PYGB: variants seen among roughly 807,000 people sequenced by gnomAD.
The protein encoded by PYGB is glycogen phosphorylase B.
In PYGB, 82 loss-of-function variants were observed where a neutral mutation model predicts 94.3. The observed-to-expected ratio is 0.87, with a 90% confidence interval of 0.73 to 1.04. The LOEUF (loss-of-function observed/expected upper bound fraction) is 1.04, where lower values mean the gene tolerates loss of function less well. PYGB is among the 50% of genes least tolerant of loss of function. The probability of loss-of-function intolerance (pLI) is 0.00; values close to 1 mark genes in which losing one functional copy is unlikely to be tolerated. For missense variants in PYGB, 1,132 were observed against 1,158.2 expected, an observed-to-expected ratio of 0.98 and a Z score of 0.33; for synonymous variants, 488 against 479.1, an observed-to-expected ratio of 1.02 and a Z score of -0.24.
chr20:25,272,959 C>T (rs924185564), intron 4 of PYGB, among the ~76,000 whole-genome samples: 1 of 152,204 alleles, frequency 6.6e-6, no homozygotes, highest in Non-Finnish European at 1.5e-5. Flanking sequence ...TTCTGGTGGT[C>T]CTCGTTCCTG....
chr20:25,295,801 G>A, intron 19 of PYGB, 131 bp downstream of exon 19: 1 of 1,019,410 alleles, frequency 9.8e-7, no homozygotes, highest in South Asian at 1.4e-5. Flanking sequence ...ATTCTGATCT[G>A]TCATCAGTCG....
intron 13 of PYGB, among the ~76,000 whole-genome samples, chr20:25,283,539 C>T (rs1003622080): frequency 1.1e-4 from 16 of 152,336 alleles, no homozygotes; most frequent in Non-Finnish European, 1.6e-4. Context: ...CAGCCCTGCC[C>T]GTGCCTCGAC....
intron 1 of PYGB, among the ~76,000 whole-genome samples, chr20:25,250,558 G>A (rs189780455): frequency 1.2e-3 from 176 of 152,220 alleles, no homozygotes; most frequent in Non-Finnish European, 2.0e-3. Flanking sequence ...TGCTTCTTTC[G>A]CTAATTCATG....
At chr20:25,248,718 T>C (rs2092878720) in intron 1 of PYGB, among the ~76,000 whole-genome samples, 1 of 139,830 alleles carries the variant, frequency 7.2e-6, no homozygotes, top group Non-Finnish European at 1.5e-5. Flanking sequence ...GTTCCCGGTC[T>C]CTTTCTGGCC....
At chr20:25,280,674 G>A (rs1280426437) in intron 10 of PYGB, among the ~76,000 whole-genome samples, 1 of 152,226 alleles carries the variant, frequency 6.6e-6, no homozygotes, top group African/African-American at 2.4e-5. Flanking sequence ...AGCCCTGTGG[G>A]TCCCTGGGCC....
chr20:25,251,023 C>T (rs773592413), intron 1 of PYGB: 10 of 152,030 alleles, frequency 6.6e-5, no homozygotes, highest in Non-Finnish European at 1.3e-4. Flanking sequence ...TTTCATAACT[C>T]TTAGCACTTT....
intron 13 of PYGB, 84 bp downstream of exon 13, chr20:25,283,361 C>G (rs529988082): frequency 2.8e-5 from 34 of 1,223,890 alleles, no homozygotes; most frequent in Non-Finnish European, 3.8e-5. Flanking sequence ...TCCTACAGGC[C>G]CAGCACAGGT....
In PYGB at chr20:25,248,318, C is replaced by T. The variant is rs1568679316; in HGVS notation, c.140C>T (p.Ala47Val). Residue 47 changes from alanine to valine, a missense_variant, in exon 1 of 20, where the codon GCC becomes GTC. Ala to Val is a moderately conservative substitution (Grantham distance 64). Transcript: ENST00000216962. ...ACGCTGGTCAAGGACCGCAATGTGGCCACGCCCCGCGACTACTTCTTCGCG... is the reference window on the plus strand; with the variant it reads ...ACGCTGGTCAAGGACCGCAATGTGGTCACGCCCCGCGACTACTTCTTCGCG... The part of the protein sequence containing the change: ...HFTLVKDRNV[A>V]TPRDYFFALA... The T allele has an allele frequency of 6.2e-7, 1 of 1,604,344 alleles. No individual in the cohort carries two copies. The highest frequency in any genetic ancestry group is 8.5e-7 in the Non-Finnish European group (1 of 1,176,018).
intron 16 of PYGB, among the ~76,000 whole-genome samples, chr20:25,291,112 A>G (rs1312946920): frequency 6.6e-6 from 1 of 151,438 alleles, no homozygotes; most frequent in African/African-American, 2.4e-5. Flanking sequence ...CCCCAACTCC[A>G]CTGCCCCTCC....
intron 12 of PYGB, 142 bp from the exon 13 acceptor site, chr20:25,283,034 G>T: frequency 1.5e-6 from 1 of 672,170 alleles, no homozygotes; most frequent in South Asian, 1.8e-5. Flanking sequence ...TGGCCTGAGA[G>T]GTGGGATGCC....
intron 2 of PYGB, among the ~76,000 whole-genome samples, chr20:25,267,530 T>A: frequency 8.2e-6 from 1 of 121,302 alleles, no homozygotes; most frequent in East Asian, 1.1e-3. Context: ...CTACTTTTTG[T>A]GTCATTGTTG....
chr20:25,290,314 C>T (rs1441630585), intron 15 of PYGB, among the ~76,000 whole-genome samples, 167 bp from the exon 16 acceptor site: 1 of 152,228 alleles, frequency 6.6e-6, no homozygotes, highest in African/African-American at 2.4e-5. Flanking sequence ...CGCAGCAGAG[C>T]TGGGGCCTTG....
intron 2 of PYGB, among the ~76,000 whole-genome samples, chr20:25,265,417 A>G (rs988824995): frequency 5.3e-5 from 8 of 152,176 alleles, no homozygotes; most frequent in African/African-American, 1.9e-4. Flanking sequence ...GACAGTAGTC[A>G]TTCTAAATGG....
chr20:25,279,666 C>G (rs1201801985), intron 9 of PYGB, among the ~76,000 whole-genome samples: 3 of 152,058 alleles, frequency 2.0e-5, no homozygotes. Context: ...TAGAGACCAG[C>G]CTGGGCAATA....
intron 1 of PYGB, among the ~76,000 whole-genome samples, chr20:25,258,265 G>A (rs755524288): frequency 6.6e-5 from 10 of 152,160 alleles, no homozygotes; most frequent in African/African-American, 2.2e-4. Context: ...ACATGGTGCC[G>A]GTCAGCGTGG....
chr20:25,290,807 A>G (rs2088460052), intron 16 of PYGB, among the ~76,000 whole-genome samples, 185 bp downstream of exon 16: 1 of 152,188 alleles, frequency 6.6e-6, no homozygotes, highest in South Asian at 2.1e-4. Context: ...CGGAGGACTC[A>G]CAGTGCGTCC....
Position 25,279,139 on chromosome 20 carries a change from A to C in PYGB, c.1082A>C (p.Asp361Ala), listed in dbSNP as rs2088342624. Residue 361 changes from aspartate (D) to alanine (A), a missense_variant, in exon 9 of 20, where the codon GAC (aspartate) becomes GCC (alanine). Coordinates refer to ENST00000216962, the MANE Select transcript of PYGB (RefSeq NM_002862.4). ...MRILVDVEKV[D>A]WDKAWEITKK... ...ATCCTGGTGGACGTGGAGAAGGTGG[A>C]CTGGGACAAGGTGAGCATGGAGGAA... 1 of 1,613,818 alleles carries C rather than the reference A, an allele frequency of 6.2e-7. No individual in the cohort carries two copies. Among genetic ancestry groups the C allele is most frequent in the African/African-American group, 1.3e-5 (1 of 75,026 alleles).
In PYGB at chr20:25,282,050, A is replaced by G; in HGVS notation, c.1421A>G (p.Glu474Gly). ...VKQSVFKDFY[E>G]LEPEKFQNKT... ...GTTTGCAGCTTTAAGGATTTTTATGAACTGGAGCCAGAGAAGTTCCAGAAT... is the reference window on the plus strand; with the variant it reads ...GTTTGCAGCTTTAAGGATTTTTATGGACTGGAGCCAGAGAAGTTCCAGAAT... Residue 474 changes from glutamate to glycine, a missense_variant, in exon 12 of 20, where the codon GAA becomes GGA. Transcript: ENST00000216962. 1 of 1,613,624 alleles carries G rather than the reference A, an allele frequency of 6.2e-7. No individual in the cohort carries two copies. Among genetic ancestry groups the G allele is most frequent in the Non-Finnish European group, 8.5e-7 (1 of 1,179,560 alleles).
chr20:25,288,438 C>G lies in PYGB; in HGVS notation c.1782C>G (p.Asp594Glu). The change falls in exon 15 of 20, where the codon GAC becomes GAG. Residue 594 changes from aspartate (D) to glutamate (E), a missense_variant. Coordinates refer to ENST00000216962, the MANE Select transcript of PYGB (RefSeq NM_002862.4). ...TGTGTCCTGCAGGAATCAAGAGAGA[C>G]CCGGCCAAGGCTTTTGTGCCCAGGA... ...VVTLYNRIKR[D>E]PAKAFVPRTV... is the part of the protein sequence containing the mutation. 2 of 1,614,118 alleles carry G rather than the reference C, an allele frequency of 1.2e-6. No homozygotes were observed. Among genetic ancestry groups the G allele is most frequent in the South Asian group, 2.2e-5 (2 of 91,064 alleles).
Sources: gnomAD v4.1 joint callset for allele counts (sites outside exome capture counted in the v4.1 genomes callset) on GRCh38, gnomAD v4.1.1 for gene constraint, MANE v1.5 for transcripts, NCBI Gene and HGNC (gene_info 2026-07-23, HGNC 2026-07-21) for gene names.